GC: variants seen among roughly 807,000 people sequenced by gnomAD.
The protein encoded by GC is GC vitamin D binding protein.
GC carries 43 observed loss-of-function variants against 56.7 expected under a neutral mutation model. The observed-to-expected ratio is 0.76, with a 90% CI of 0.59 to 0.98. The LOEUF (loss-of-function observed/expected upper bound fraction) is 0.98. GC is among the 50% of genes least tolerant of loss of function. The probability of loss-of-function intolerance (pLI) is 0.00; values close to 1 mark genes in which losing one functional copy is unlikely to be tolerated. For missense variants in GC, 529 were observed against 545.9 expected, an observed-to-expected ratio of 0.97 and a Z score of 0.31; for synonymous variants, 216 against 202.7, an observed-to-expected ratio of 1.07 and a Z score of -0.56.
chr4:71,787,089 T>C (rs1342724844), upstream of GC, among the ~76,000 whole-genome samples: 1 of 151,958 alleles, frequency 6.6e-6, no homozygotes. Flanking sequence ...CTCTTTTTAC[T>C]TAAGCTTATT....
chr4:71,801,749 C>G (rs932409310), intron 1 of GC, among the ~76,000 whole-genome samples: 2 of 150,954 alleles, frequency 1.3e-5, no homozygotes, highest in South Asian at 4.1e-4. Context: ...AAGCAATTAT[C>G]TAAGAGTAAA....
At chr4:71,770,783 C>A (rs1292912914) in intron 1 of GC, among the ~76,000 whole-genome samples, 1 of 152,146 alleles carries the variant, frequency 6.6e-6, no homozygotes, top group Non-Finnish European at 1.5e-5. Context: ...CTTCAACTTT[C>A]AATGAATTAA....
chr4:71,745,807 TTGA>T (rs747334845), intron 12 of GC, among the ~76,000 whole-genome samples: 2 of 152,200 alleles, frequency 1.3e-5, no homozygotes, highest in Non-Finnish European at 2.9e-5. Context: ...TTTTTAAGAC[TTGA>T]TGAGCCCTGT....
chr4:71,780,971 A>T (rs1335099327), intron 1 of GC, among the ~76,000 whole-genome samples: 2 of 152,148 alleles, frequency 1.3e-5, no homozygotes, highest in African/African-American at 2.4e-5. Flanking sequence ...AATAGCAAAG[A>T]CTTGGAACCA....
intron 1 of GC, among the ~76,000 whole-genome samples, chr4:71,773,285 G>C (rs16847019): frequency 6.6e-6 from 1 of 151,994 alleles, no homozygotes; most frequent in Non-Finnish European, 1.5e-5. Context: ...TTCTGCAATA[G>C]CATGTTTCAC....
chr4:71,801,147 C>G (rs149882946), intron 1 of GC, among the ~76,000 whole-genome samples: 3 of 152,050 alleles, frequency 2.0e-5, no homozygotes, highest in Admixed American at 6.6e-5. Flanking sequence ...GACAAATAAT[C>G]CAAATTTTTA....
intron 11 of GC, among the ~76,000 whole-genome samples, chr4:71,752,210 T>G (rs1034821440): frequency 4.6e-5 from 7 of 152,216 alleles, no homozygotes; most frequent in Non-Finnish European, 8.8e-5. Flanking sequence ...AGGCTGTTAC[T>G]AGGTTACAAC....
At chr4:71,773,151 T>C (rs1404679708) in intron 1 of GC, among the ~76,000 whole-genome samples, 3 of 152,106 alleles carry the variant, frequency 2.0e-5, no homozygotes, top group African/African-American at 7.2e-5. Context: ...GAAGGTGATT[T>C]GGACTTTGAT....
chr4:71,758,343 C>T (rs1194187265), intron 6 of GC, among the ~76,000 whole-genome samples, 172 bp from the exon 7 acceptor site: 6 of 152,200 alleles, frequency 3.9e-5, no homozygotes, highest in African/African-American at 1.4e-4. Context: ...GCCACAGACT[C>T]AAGATCAAGA....
At chr4:71,769,702 A>G in intron 1 of GC, 1 of 258,598 alleles carries the variant, frequency 3.9e-6, no homozygotes. Context: ...TGATATGGCA[A>G]CTATTAGGTC....
At chr4:71,757,904 T>C (rs1298352565) in intron 7 of GC, 138 bp downstream of exon 7, 1 of 644,194 alleles carries the variant, frequency 1.6e-6, no homozygotes, top group African/African-American at 1.8e-5. Context: ...TGTTAATAAT[T>C]ATTTATATTT....
intron 6 of GC, among the ~76,000 whole-genome samples, chr4:71,762,882 A>G (rs1742029045): frequency 6.6e-6 from 1 of 152,176 alleles, no homozygotes; most frequent in Non-Finnish European, 1.5e-5. Flanking sequence ...TAAATTCCCC[A>G]GTTTCGGGTA....
chr4:71,767,556 G>A (rs1265506309), intron 3 of GC, among the ~76,000 whole-genome samples: 2 of 150,576 alleles, frequency 1.3e-5, no homozygotes, highest in Non-Finnish European at 3.0e-5. Context: ...CTATGATCAG[G>A]TTTTTAAGCT....
intron 1 of GC, among the ~76,000 whole-genome samples, chr4:71,769,873 G>A (rs1327362893): frequency 6.6e-6 from 1 of 152,158 alleles, no homozygotes; most frequent in African/African-American, 2.4e-5. Context: ...CCAAGGTGAG[G>A]GGCTGGTGCC....
chr4:71,786,793 G>A (rs1405393783), upstream of GC, among the ~76,000 whole-genome samples: 1 of 151,808 alleles, frequency 6.6e-6, no homozygotes, highest in African/African-American at 2.4e-5. Flanking sequence ...TGCTGCGACA[G>A]TCTTCTAAAA....
chr4:71,764,616 A>G (rs1489974169), intron 4 of GC, among the ~76,000 whole-genome samples: 3 of 152,150 alleles, frequency 2.0e-5, no homozygotes, highest in Non-Finnish European at 4.4e-5. Flanking sequence ...ATTACTTTAG[A>G]TAATTATTAT....
At chr4:71,787,051 G>A (rs1296911111), upstream of GC, among the ~76,000 whole-genome samples, 1 of 151,846 alleles carries the variant, frequency 6.6e-6, no homozygotes, top group Non-Finnish European at 1.5e-5. Flanking sequence ...TGACTTCCAT[G>A]AGAAATTCCA....
At chr4:71,782,035 C>G (rs1742697300) in intron 1 of GC, among the ~76,000 whole-genome samples, 1 of 151,632 alleles carries the variant, frequency 6.6e-6, no homozygotes, top group Non-Finnish European at 1.5e-5. Context: ...TTTAGGACGA[C>G]AAAGGCATGA....
At chr4:71,772,806 C>T (rs1742381417) in intron 1 of GC, among the ~76,000 whole-genome samples, 1 of 152,084 alleles carries the variant, frequency 6.6e-6, no homozygotes, top group South Asian at 2.1e-4. Flanking sequence ...GTAGAGGAAG[C>T]TGTTGCACCA....
Sources: gnomAD v4.1 joint callset for allele counts (sites outside exome capture counted in the v4.1 genomes callset) on GRCh38, gnomAD v4.1.1 for gene constraint, MANE v1.5 for transcripts, NCBI Gene and HGNC (gene_info 2026-07-23, HGNC 2026-07-21) for gene names.